GALNTL6: variants seen among roughly 807,000 people sequenced by gnomAD.
GALNTL6 encodes the protein polypeptide N-acetylgalactosaminyltransferase like 6.
In GALNTL6, 46 loss-of-function variants were observed where a neutral mutation model predicts 73.7. That is an observed-to-expected ratio of 0.62 (90% CI 0.49 to 0.80). GALNTL6 has a LOEUF of 0.80. Among genes scored for constraint, GALNTL6 ranks in the 30% least tolerant of loss-of-function variants. GALNTL6 has a pLI of 0.00. For synonymous variants in GALNTL6, 259 were observed against 263.7 expected (o/e 0.98, Z 0.17); for missense variants, 604 against 755.0 (o/e 0.80, Z 2.34).
chr4:172,462,528 C>T (rs1198765025), intron 5 of GALNTL6, among the ~76,000 whole-genome samples: 1 of 152,176 alleles, frequency 6.6e-6, no homozygotes, highest in Non-Finnish European at 1.5e-5. Flanking sequence ...CCTACAGTGT[C>T]ACTTTCAGTA....
At chr4:172,916,120 A>G (rs934451418) in intron 8 of GALNTL6, among the ~76,000 whole-genome samples, 1 of 152,246 alleles carries the variant, frequency 6.6e-6, no homozygotes, top group East Asian at 1.9e-4. Flanking sequence ...GTAATCCATC[A>G]TATAAACAGA....
At chr4:172,107,954 T>C (rs891746554) in intron 2 of GALNTL6, among the ~76,000 whole-genome samples, 1 of 152,170 alleles carries the variant, frequency 6.6e-6, no homozygotes, top group Admixed American at 6.5e-5. Flanking sequence ...ACATGGATAC[T>C]GTCACATGGA....
intron 5 of GALNTL6, among the ~76,000 whole-genome samples, chr4:172,701,202 G>A (rs1734008794): frequency 6.6e-6 from 1 of 151,998 alleles, no homozygotes; most frequent in Non-Finnish European, 1.5e-5. Context: ...AGTTTTCCTT[G>A]GTGGGGTTTT....
intron 11 of GALNTL6, among the ~76,000 whole-genome samples, chr4:173,015,112 C>A (rs1752724047): frequency 6.6e-6 from 1 of 152,172 alleles, no homozygotes; most frequent in African/African-American, 2.4e-5. Context: ...TGTTTGCTTC[C>A]TCTTCTGCCA....
chr4:173,012,736 T>A (rs1202574960), intron 11 of GALNTL6, among the ~76,000 whole-genome samples: 1 of 152,254 alleles, frequency 6.6e-6, no homozygotes. Context: ...AATCCCTTTA[T>A]GCTAATACCA....
At chr4:172,045,945 GCTGT>G (rs1339844249) in intron 2 of GALNTL6, among the ~76,000 whole-genome samples, 1 of 151,956 alleles carries the variant, frequency 6.6e-6, no homozygotes, top group Non-Finnish European at 1.5e-5. Flanking sequence ...GAGAACTTGT[GCTGT>G]CTGTCTTATT....
intron 2 of GALNTL6, among the ~76,000 whole-genome samples, chr4:172,082,322 G>A (rs1731903301): frequency 6.6e-6 from 1 of 152,118 alleles, no homozygotes; most frequent in African/African-American, 2.4e-5. Flanking sequence ...TTTTAGGGAG[G>A]GAAACAAATG....
chr4:173,037,230 G>C (rs146093903), intron 12 of GALNTL6, among the ~76,000 whole-genome samples: 1 of 152,334 alleles, frequency 6.6e-6, no homozygotes, highest in East Asian at 1.9e-4. Context: ...ATGGTCTCTA[G>C]TTTGACACCT....
At chr4:172,478,161 A>G (rs997007262) in intron 5 of GALNTL6, among the ~76,000 whole-genome samples, 2 of 152,228 alleles carry the variant, frequency 1.3e-5, no homozygotes, top group Non-Finnish European at 2.9e-5. Flanking sequence ...AATTAGAAAA[A>G]AAAAATCCTA....
intron 5 of GALNTL6, among the ~76,000 whole-genome samples, chr4:172,371,847 C>A (rs187756478): frequency 6.2e-4 from 94 of 152,300 alleles, no homozygotes; most frequent in African/African-American, 2.1e-3. Flanking sequence ...TGGAAGACTG[C>A]CACCACCTTG....
intron 5 of GALNTL6, among the ~76,000 whole-genome samples, chr4:172,662,491 A>T (rs1054234284): frequency 2.0e-5 from 3 of 152,190 alleles, no homozygotes; most frequent in Non-Finnish European, 2.9e-5. Flanking sequence ...TCGGCAGTGT[A>T]TAGTTAGTAA....
At chr4:172,984,584 G>A (rs1002909404) in intron 10 of GALNTL6, among the ~76,000 whole-genome samples, 1 of 152,184 alleles carries the variant, frequency 6.6e-6, no homozygotes, top group Non-Finnish European at 1.5e-5. Flanking sequence ...AAGAGTCTGT[G>A]TGGAAACAAT....
rs79614929 is a variant in GALNTL6, at chr4:172,830,032, A to G, written c.923+16309A>G. ...TTCAAATAAATTCCACCGAAAGCCT[A>G]TTTTTCTCATCTGAGGTCACACCAT... is the stretch of plus-strand genomic sequence containing the variant. On this transcript the variant is annotated intron_variant, in intron 7 of 12. Coordinates refer to ENST00000506823, the MANE Select transcript of GALNTL6 (RefSeq NM_001034845.3). 1.1e-3 allele frequency among the ~76,000 whole-genome samples: 170 copies of G among 152,316 alleles called. 2 individuals carry two copies. In the East Asian group the frequency reaches 0.028, roughly 25 times the overall value.
intron 10 of GALNTL6, among the ~76,000 whole-genome samples, chr4:173,008,338 C>G (rs1308359845): frequency 6.6e-6 from 1 of 152,224 alleles, no homozygotes; most frequent in Non-Finnish European, 1.5e-5. Flanking sequence ...AAAGAAAAGT[C>G]TCCCATTTTA....
At chr4:172,528,773 A>G (rs1157872197) in intron 5 of GALNTL6, among the ~76,000 whole-genome samples, 1 of 150,650 alleles carries the variant, frequency 6.6e-6, no homozygotes, top group African/African-American at 2.4e-5. Context: ...ATTTTGTTTC[A>G]TAAGATTATT....
At position 172,546,458 on chromosome 4, in the gene GALNTL6, C is replaced by G. The variant is rs145693443; in HGVS notation, c.553+197769C>G. Among the ~76,000 whole-genome samples, 202 of 149,060 alleles carry G rather than the reference C, an allele frequency of 1.4e-3. 1 individual carries two copies. The Middle Eastern group carries it at 0.014, about 10-fold the overall frequency. On this transcript the variant is annotated intron_variant, in intron 5 of 12. Coordinates refer to ENST00000506823, the MANE Select transcript of GALNTL6 (RefSeq NM_001034845.3). ...TGCAAGAAATCTGCACTTATACCCT[C>G]TAAATCTATAAAAAATAATAAATAA... is the stretch of plus-strand genomic sequence containing the variant.
intron 3 of GALNTL6, among the ~76,000 whole-genome samples, chr4:172,304,382 T>A (rs773165113): frequency 1.3e-5 from 2 of 151,174 alleles, no homozygotes; most frequent in Non-Finnish European, 2.9e-5. Flanking sequence ...ATTAGTCGGT[T>A]AATAGGTGAA....
chr4:171,905,120 A>G (rs1737234215), intron 2 of GALNTL6, among the ~76,000 whole-genome samples: 1 of 152,206 alleles, frequency 6.6e-6, no homozygotes, highest in African/African-American at 2.4e-5. Context: ...CATCATAATG[A>G]CAGGATCAAA....
chr4:172,775,457 C>T (rs945903632), intron 5 of GALNTL6, among the ~76,000 whole-genome samples: 1 of 152,206 alleles, frequency 6.6e-6, no homozygotes, highest in African/African-American at 2.4e-5. Flanking sequence ...AAACGTGGGG[C>T]TCATGTCATC....
Sources: allele counts gnomAD v4.1 joint callset (sites outside exome capture counted in the v4.1 genomes callset), GRCh38; gene constraint gnomAD v4.1.1; transcripts MANE v1.5; gene names NCBI Gene and HGNC (gene_info 2026-07-23, HGNC 2026-07-21).